The following CSPG4 variants were observed in gnomAD, a reference collection of about 807,000 sequenced individuals.
CSPG4 encodes the protein chondroitin sulfate proteoglycan 4.
A neutral mutation model predicts 139.3 loss-of-function variants in CSPG4; 74 were observed. That is an observed-to-expected ratio of 0.53 (90% CI 0.44 to 0.64). CSPG4 has a LOEUF of 0.64. CSPG4 is among the 30% of genes least tolerant of loss of function. The pLI is 0.00. For synonymous variants in CSPG4, 1,234 were observed against 1,394.2 expected (o/e 0.89, Z 2.56); for missense variants, 2,565 against 3,148.3 (o/e 0.81, Z 4.43).
rs775641387 is a variant in CSPG4 at position 75,677,775 on chromosome 15, C to T, written c.5062G>A (p.Ala1688Thr). The T allele has an allele frequency of 1.4e-5, 23 of 1,610,646 alleles. No homozygotes were observed. The highest frequency in any genetic ancestry group is 8.8e-5 in the South Asian group (8 of 90,752). Residue 1688 changes from alanine (A) to threonine (T), a missense_variant, in exon 9 of 10, where the codon GCC (alanine) becomes ACC (threonine). Transcript: ENST00000308508. ...LSSPPARDVA[A>T]TLAVAVSFEA... ...AAAGACACAGCCACAGCAAGGGTGG[C>T]GGCCACGTCCCGGGCAGGCGGCGAG...
chr15:75,712,800 C>G lies in CSPG4; in HGVS notation c.-45G>C, dbSNP rs11638923. 2 of 1,466,646 alleles carry G rather than the reference C, an allele frequency of 1.4e-6. No homozygotes were observed. The highest frequency in any genetic ancestry group is 4.3e-5 in the Admixed American group (2 of 46,018). The allele number at this position is 1,466,646 out of a possible 1,614,324, so 90.9% of individuals were successfully genotyped here. Reference sequence around the variant, plus strand: ...GGACTTGCGAGGAGCCAGCGGAGTCCTGGGAGCTGGGAGCTGAGTGGAGCG... The same window carrying G: ...GGACTTGCGAGGAGCCAGCGGAGTCGTGGGAGCTGGGAGCTGAGTGGAGCG... On this transcript the variant is annotated 5_prime_UTR_variant, in exon 1 of 10. Transcript: ENST00000308508.
At chr15:75,709,145 G>A (rs1323707342) in intron 1 of CSPG4, among the ~76,000 whole-genome samples, 3 of 152,164 alleles carry the variant, frequency 2.0e-5, no homozygotes, top group Non-Finnish European at 1.5e-5. Flanking sequence ...CCCCACGGAG[G>A]AGCCAAGTAC....
chr15:75,682,699 T>C lies in CSPG4; in HGVS notation c.4691A>G (p.Glu1564Gly), dbSNP rs2141424646. ...GAAGAAGTGTCCGGGGGAAGTGTGC[T>C]CGCCGTCAGAGAGGCGGAAGCGGAA... is the stretch of plus-strand genomic sequence containing the variant. ...GGFRFRLSDG[E>G]HTSPGHFFRV... The change falls in exon 7 of 10, where the codon GAG (glutamate) becomes GGG (glycine). Residue 1564 changes from glutamate to glycine, a missense_variant. Physicochemically the swap from Glu to Gly is moderately conservative, Grantham distance 98 (BLOSUM62 -2). Coordinates refer to ENST00000308508, the MANE Select transcript of CSPG4 (RefSeq NM_001897.5). 6.2e-7 allele frequency: 1 copy of C among 1,612,966 alleles called. No individual in the cohort carries two copies. Among genetic ancestry groups the C allele is most frequent in the African/African-American group, 1.3e-5 (1 of 75,040 alleles).
chr15:75,690,480 C>T lies in CSPG4; in HGVS notation c.585G>A (p.Glu195=). The part of the protein sequence containing the change: ...TPDVHEGCAE[E]FSASDDVALG... ...GGGCCACATCATCACTGGCAGAAAA[C>T]TCTTCAGCACAGCCCTCATGCACAT... Residue 195 remains glutamate, a synonymous_variant, in exon 3 of 10, where the codon GAG becomes GAA. Coordinates refer to ENST00000308508, the MANE Select transcript of CSPG4 (RefSeq NM_001897.5). The T allele has an allele frequency of 6.2e-7, 1 of 1,607,918 alleles. No individual in the cohort carries two copies. The highest frequency in any genetic ancestry group is 8.5e-7 in the Non-Finnish European group (1 of 1,177,686).
At position 75,676,872 on chromosome 15, in the gene CSPG4, G is replaced by T; in HGVS notation, c.5647C>A (p.Leu1883Met). The T allele has an allele frequency of 6.3e-7, 1 of 1,591,484 alleles. No homozygotes were observed. The part of the protein sequence containing the change: ...QRAPHNGFLS[L>M]VGGGLGPVTR... ...ACGGGCCCCAGGCCACCACCCACCAGGCTGAGGAAGCCGTTGTGGGGTGCC... is the reference window on the plus strand; with the variant it reads ...ACGGGCCCCAGGCCACCACCCACCATGCTGAGGAAGCCGTTGTGGGGTGCC... The change falls in exon 10 of 10, where the codon CTG becomes ATG. Residue 1883 changes from leucine to methionine, a missense_variant. By Grantham distance (15) the Leu-to-Met change is conservative. Around this residue, in one of 5 missense-constraint regions of CSPG4, gnomAD observed 2,316 missense variants for 2,818.2 expected, o/e 0.82. Coordinates refer to ENST00000308508, the MANE Select transcript of CSPG4 (RefSeq NM_001897.5).
intron 1 of CSPG4, among the ~76,000 whole-genome samples, chr15:75,704,545 C>T (rs1479919231): frequency 6.6e-6 from 1 of 152,214 alleles, no homozygotes; most frequent in Non-Finnish European, 1.5e-5. Flanking sequence ...TGGCCGGGCC[C>T]TGTCCAGGGG....
chr15:75,710,887 A>C (rs62028873), intron 1 of CSPG4, among the ~76,000 whole-genome samples: 1 of 148,550 alleles, frequency 6.7e-6, no homozygotes, highest in Non-Finnish European at 1.5e-5. Context: ...ACTTTATAAA[A>C]CCCCACAGCA....
Position 75,712,820 on chromosome 15 carries a change from G to C in CSPG4, c.-65C>G. The C allele has an allele frequency of 7.2e-7, 1 of 1,390,946 alleles. No homozygotes were observed. The allele number at this position is 1,390,946 out of a possible 1,614,324, so 86.2% of individuals were successfully genotyped here. On this transcript the variant is annotated 5_prime_UTR_variant, in exon 1 of 10. Coordinates refer to ENST00000308508, the MANE Select transcript of CSPG4 (RefSeq NM_001897.5). ...GAGTCCTGGGAGCTGGGAGCTGAGTGGAGCGAGCGCGGCTCTGCTCCTGGG... is the reference window on the plus strand; with the variant it reads ...GAGTCCTGGGAGCTGGGAGCTGAGTCGAGCGAGCGCGGCTCTGCTCCTGGG...
At position 75,677,141 on chromosome 15, in the gene CSPG4, G is replaced by T; in HGVS notation, c.5378C>A (p.Thr1793Asn). 2 of 1,421,960 alleles carry T rather than the reference G, an allele frequency of 1.4e-6. No homozygotes were observed. The allele number at this position is 1,421,960 out of a possible 1,614,324, so 88.1% of individuals were successfully genotyped here. The change falls in exon 10 of 10, where the codon ACC (threonine) becomes AAC (asparagine). Residue 1793 changes from threonine (T) to asparagine (N), a missense_variant. Thr to Asn is a moderately conservative substitution (Grantham distance 65). Around this residue, in one of 5 missense-constraint regions of CSPG4, gnomAD observed 2,316 missense variants for 2,818.2 expected, o/e 0.82. Coordinates refer to ENST00000308508, the MANE Select transcript of CSPG4 (RefSeq NM_001897.5). ...QLVYAHGGGGTQQDGFHFRAH... is the reference protein window; with the variant it reads ...QLVYAHGGGGNQQDGFHFRAH... ...ACGAAAGTGGAAGCCATCCTGCTGG[G>T]TGCCCCCACCGCCGTGGGCATACAC... is the stretch of plus-strand genomic sequence containing the variant.
Position 75,688,212 on chromosome 15 carries a change from C to G in CSPG4, c.2853G>C (p.Gln951His). 1.2e-6 allele frequency: 2 copies of G among 1,612,924 alleles called. No individual in the cohort carries two copies. The highest frequency in any genetic ancestry group is 8.5e-7 in the Non-Finnish European group (1 of 1,179,902). Residue 951 changes from glutamine to histidine, a missense_variant, in exon 3 of 10, where the codon CAG (glutamine) becomes CAC (histidine). Coordinates refer to ENST00000308508, the MANE Select transcript of CSPG4 (RefSeq NM_001897.5). Reference sequence around the variant, plus strand: ...AGGATGTCACCATAGTGGTCTTGTCCTGTGTCCCACGCCAAGCCAACCTCC... The same window carrying G: ...AGGATGTCACCATAGTGGTCTTGTCGTGTGTCCCACGCCAAGCCAACCTCC... ...RHGRLAWRGTQDKTTMVTSFT... is the reference protein window; with the variant it reads ...RHGRLAWRGTHDKTTMVTSFT...
Position 75,689,094 on chromosome 15 carries a change from C to T in CSPG4, c.1971G>A (p.Val657=). The T allele has an allele frequency of 6.2e-7, 1 of 1,606,042 alleles. No homozygotes were observed. Among genetic ancestry groups the T allele is most frequent in the Non-Finnish European group, 8.5e-7 (1 of 1,176,536 alleles). Reference sequence around the variant, plus strand: ...GGATCTGTATGGCCGGCCGGATGGCCACCACCTTCAGCGTGGCCGGGGGGC... The same window carrying T: ...GGATCTGTATGGCCGGCCGGATGGCTACCACCTTCAGCGTGGCCGGGGGGC... ...QASPPATLKV[V]AIRPAIQIHR... Residue 657 remains valine, a synonymous_variant, in exon 3 of 10, where the codon GTG becomes GTA. Coordinates refer to ENST00000308508, the MANE Select transcript of CSPG4 (RefSeq NM_001897.5).
At position 75,690,531 on chromosome 15, in the gene CSPG4, G is replaced by T; in HGVS notation, c.534C>A (p.Arg178=). ...GCLHAATLNG[R]SLLRPLTPDV... is the part of the protein sequence containing the mutation. ...CGGGGGTCAGAGGCCGGAGGAGGCT[G>T]CGGCCATTGAGGGTGGCTGCATGGA... The change falls in exon 3 of 10, where the codon CGC becomes CGA. Residue 178 remains arginine, a synonymous_variant. Transcript: ENST00000308508. 4 of 1,609,554 alleles carry T rather than the reference G, an allele frequency of 2.5e-6. No individual in the cohort carries two copies. The highest frequency in any genetic ancestry group is 3.4e-6 in the Non-Finnish European group (4 of 1,178,998).
chr15:75,701,444 G>A (rs988984537), intron 1 of CSPG4, among the ~76,000 whole-genome samples: 4 of 152,174 alleles, frequency 2.6e-5, no homozygotes, highest in African/African-American at 9.7e-5. Flanking sequence ...CAGTGTCCTT[G>A]CTAGTGAAGC....
In CSPG4 at chr15:75,696,489, C is replaced by T. The variant is rs1179510939; in HGVS notation, c.89-3256G>A. 6.6e-6 allele frequency among the ~76,000 whole-genome samples: 1 copy of T among 151,926 alleles called. No individual in the cohort carries two copies. Among genetic ancestry groups the T allele is most frequent in the Non-Finnish European group, 1.5e-5 (1 of 67,946 alleles). On this transcript the variant is annotated intron_variant, in intron 1 of 9. Transcript: ENST00000308508. This position sits in a 1 kb window ranked among gnomAD's most constrained non-coding sequence, Gnocchi z 4.2. ...CTGCTGGGGGTGTGCTTTGGGTTTG[C>T]GTAAGGCTGTGTGTTTGTGTGTGTG...
In CSPG4 at chr15:75,677,387, G is replaced by A; in HGVS notation, c.5135-3C>T. On this transcript the variant is annotated splice_region_variant and splice_polypyrimidine_tract_variant and intron_variant, in intron 9 of 9. Transcript: ENST00000308508. ...CTGGCCCTCGGGGACCCAGAGACCTGGGGGTGGGACATAGGCTATGAGGGT... is the reference window on the plus strand; with the variant it reads ...CTGGCCCTCGGGGACCCAGAGACCTAGGGGTGGGACATAGGCTATGAGGGT... 1.4e-6 allele frequency: 2 copies of A among 1,397,148 alleles called. No individual in the cohort carries two copies. Among genetic ancestry groups the A allele is most frequent in the Non-Finnish European group, 1.9e-6 (2 of 1,072,590 alleles). The allele number at this position is 1,397,148 out of a possible 1,614,324, so 86.5% of individuals were successfully genotyped here. A position where few individuals can be genotyped will look rare whatever the true frequency, so the allele number is the denominator to read the frequency against.
rs771962149 is a variant in CSPG4, at chr15:75,685,231, G to A, written c.4260C>T (p.Phe1420=). Reference sequence around the variant, plus strand: ...CTCACAGCCATACCATTCTCCAGGAGAAGGCGCTGAGGGTCCTGGCTTGAG... The same window carrying A: ...CTCACAGCCATACCATTCTCCAGGAAAAGGCGCTGAGGGTCCTGGCTTGAG... ...DGPQARTLSA[F]SWRMVEEQLI... is the part of the protein sequence containing the mutation. The change falls in exon 4 of 10, where the codon TTC becomes TTT. Residue 1420 remains phenylalanine, a synonymous_variant. Transcript: ENST00000308508. 6.6e-7 allele frequency: 1 copy of A among 1,519,254 alleles called. No individual in the cohort carries two copies. The highest frequency in any genetic ancestry group is 8.8e-7 in the Non-Finnish European group (1 of 1,134,782). 94.1% of individuals were successfully genotyped at this position (1,519,254 alleles called of 1,614,324 possible).
At chr15:75,685,006 C>G in intron 4 of CSPG4, 94 bp from the exon 5 acceptor site, 1 of 1,355,666 alleles carries the variant, frequency 7.4e-7, no homozygotes. Flanking sequence ...TTTAGGGCTT[C>G]ATTTTCCATT....
chr15:75,711,654 T>C (rs1894448311), intron 1 of CSPG4, among the ~76,000 whole-genome samples: 1 of 152,250 alleles, frequency 6.6e-6, no homozygotes, highest in East Asian at 1.9e-4. Flanking sequence ...GAGAGAAGGG[T>C]GTGGCCTGGG....
Position 75,676,927 on chromosome 15 carries a change from A to C in CSPG4, c.5592T>G (p.Ala1864=), listed in dbSNP as rs781756082. ...AQLSVVDPDS[A]PGEIEYEVQR... ...GGACCTCGTACTCAATCTCCCCAGG[A>C]GCTGAGTCTGGGTCCACCACACTCA... Residue 1864 remains alanine, a synonymous_variant, in exon 10 of 10, where the codon GCT becomes GCG. Transcript: ENST00000308508. The C allele has an allele frequency of 6.4e-7, 1 of 1,554,750 alleles. No individual in the cohort carries two copies. Among genetic ancestry groups the C allele is most frequent in the African/African-American group, 1.4e-5 (1 of 73,502 alleles).
Sources: allele counts gnomAD v4.1 joint callset (sites outside exome capture counted in the v4.1 genomes callset), GRCh38; gene constraint gnomAD v4.1.1; regional missense constraint gnomAD v4.1.1; non-coding constraint Gnocchi (gnomAD v3.1); transcripts MANE v1.5; gene names NCBI Gene and HGNC (gene_info 2026-07-23, HGNC 2026-07-21).